Variants in LDLRAD3 observed in about 807,000 individuals in gnomAD.
LDLRAD3 encodes the protein low-density lipoprotein receptor class A domain-containing protein 3.
A neutral mutation model predicts 29.4 loss-of-function variants in LDLRAD3; 20 were observed. The ratio of observed to expected loss-of-function variants is 0.68; its 90% CI spans 0.48 to 0.99. The LOEUF (loss-of-function observed/expected upper bound fraction) is 0.99, where lower values mean the gene tolerates loss of function less well. Among genes scored for constraint, LDLRAD3 ranks in the 50% least tolerant of loss-of-function variants. The probability of loss-of-function intolerance (pLI) is 0.00; values close to 1 mark genes in which losing one functional copy is unlikely to be tolerated. For missense variants in LDLRAD3, 420 were observed against 454.3 expected (o/e 0.92, Z 0.69); for synonymous variants, 157 against 192.7 (o/e 0.81, Z 1.53).
rs144656464 is a variant in LDLRAD3, at chr11:36,103,164, T to C, written c.454+4703T>C. ...CTTCCCCCCAGGCCCCGGGCAGTCA[T>C]CATTCTACTTCTATCTTCATTAATT... On this transcript the variant is annotated intron_variant, in intron 4 of 5. Transcript: ENST00000315571. Among the ~76,000 whole-genome samples the C allele has an allele frequency of 9.2e-5, 14 of 151,822 alleles. No individual in the cohort carries two copies. The East Asian group carries it at 2.7e-3, about 29-fold the overall frequency.
At chr11:36,103,150 G>GC (rs1192717874) in intron 4 of LDLRAD3, among the ~76,000 whole-genome samples, 6 of 151,062 alleles carry the variant, frequency 4.0e-5, no homozygotes, top group African/African-American at 1.5e-4. Flanking sequence ...TTCCCCCCAG[G>GC]CCCCGGGCAG....
chr11:36,036,529 C>T (rs1459213579), intron 2 of LDLRAD3, among the ~76,000 whole-genome samples: 1 of 152,154 alleles, frequency 6.6e-6, no homozygotes, highest in Non-Finnish European at 1.5e-5. Context: ...CCATCCTTGC[C>T]TTCGCTTTAT....
chr11:35,956,165 A>G (rs944709557), intron 1 of LDLRAD3, among the ~76,000 whole-genome samples: 1 of 152,130 alleles, frequency 6.6e-6, no homozygotes, highest in Non-Finnish European at 1.5e-5. Context: ...TTTGTTATAT[A>G]TTATTAAGCT....
intron 4 of LDLRAD3, among the ~76,000 whole-genome samples, chr11:36,151,429 C>G (rs902465843): frequency 2.0e-5 from 3 of 152,154 alleles, no homozygotes; most frequent in African/African-American, 7.2e-5. Flanking sequence ...AATCTCAGCC[C>G]TAACAGTTGG....
At chr11:36,127,002 G>A (rs531963859) in intron 4 of LDLRAD3, among the ~76,000 whole-genome samples, 1 of 152,304 alleles carries the variant, frequency 6.6e-6, no homozygotes, top group East Asian at 1.9e-4. Flanking sequence ...CCTGGTGGTG[G>A]ATTGTAGAGA....
chr11:36,165,692 A>T (rs1854502864), intron 4 of LDLRAD3, among the ~76,000 whole-genome samples: 1 of 152,054 alleles, frequency 6.6e-6, no homozygotes. Flanking sequence ...TTGAAAAAGG[A>T]AATTATTTAT....
chr11:36,217,855 T>C (rs1459638044), intron 4 of LDLRAD3, among the ~76,000 whole-genome samples: 1 of 152,222 alleles, frequency 6.6e-6, no homozygotes, highest in Non-Finnish European at 1.5e-5. Context: ...TCTGTTTCTG[T>C]GTCATCTCCT....
intron 4 of LDLRAD3, among the ~76,000 whole-genome samples, chr11:36,162,536 T>C (rs1031821891): frequency 6.6e-6 from 1 of 152,224 alleles, no homozygotes; most frequent in African/African-American, 2.4e-5. Flanking sequence ...AGTGGTGCCC[T>C]GGGCTTTGAG....
At chr11:36,009,669 G>A (rs1461541483) in intron 1 of LDLRAD3, among the ~76,000 whole-genome samples, 1 of 152,132 alleles carries the variant, frequency 6.6e-6, no homozygotes, top group Non-Finnish European at 1.5e-5. Flanking sequence ...CATTCGTTCT[G>A]TTGCTGATTT....
intron 1 of LDLRAD3, among the ~76,000 whole-genome samples, chr11:36,011,681 G>A (rs1301773173): frequency 6.6e-6 from 1 of 152,164 alleles, no homozygotes; most frequent in Non-Finnish European, 1.5e-5. Context: ...ACATAGCAGA[G>A]GTCAGTTGGA....
At chr11:36,061,762 A>G (rs1433858232) in intron 2 of LDLRAD3, among the ~76,000 whole-genome samples, 1 of 152,132 alleles carries the variant, frequency 6.6e-6, no homozygotes, top group Admixed American at 6.5e-5. Flanking sequence ...TATCAGTAAG[A>G]CCCACAGAAA....
intron 3 of LDLRAD3, among the ~76,000 whole-genome samples, chr11:36,093,057 A>T (rs977762400): frequency 6.6e-6 from 1 of 152,208 alleles, no homozygotes; most frequent in African/African-American, 2.4e-5. Context: ...CTGAGCAACT[A>T]TGCCCCTGAG....
chr11:36,211,284 G>T (rs576343171), intron 4 of LDLRAD3, among the ~76,000 whole-genome samples: 7 of 152,298 alleles, frequency 4.6e-5, no homozygotes, highest in Admixed American at 4.6e-4. Context: ...CTAGAACACA[G>T]GATGCTAACA....
intron 2 of LDLRAD3, among the ~76,000 whole-genome samples, chr11:36,042,899 C>T (rs1590222577): frequency 1.3e-5 from 2 of 152,160 alleles, no homozygotes; most frequent in African/African-American, 4.8e-5. Flanking sequence ...AGACTCCTGG[C>T]CATCAGAACT....
chr11:36,057,226 T>C (rs905143755), intron 2 of LDLRAD3, among the ~76,000 whole-genome samples: 1 of 152,180 alleles, frequency 6.6e-6, no homozygotes, highest in African/African-American at 2.4e-5. Flanking sequence ...GTGGTTCCTG[T>C]GATCGTCAGG....
chr11:36,031,315 C>A (rs189180128), intron 1 of LDLRAD3, among the ~76,000 whole-genome samples: 9 of 152,270 alleles, frequency 5.9e-5, no homozygotes, highest in African/African-American at 2.2e-4. Flanking sequence ...TGCTGTCGGC[C>A]TGAAAAGATT....
chr11:36,032,724 C>G (rs1181110955), intron 1 of LDLRAD3, among the ~76,000 whole-genome samples: 29 of 152,058 alleles, frequency 1.9e-4, no homozygotes, highest in Admixed American at 1.9e-3. Flanking sequence ...CAAAATTGAT[C>G]CCTGTTGAAA....
At chr11:36,142,131 G>A (rs1405205948) in intron 4 of LDLRAD3, among the ~76,000 whole-genome samples, 1 of 152,116 alleles carries the variant, frequency 6.6e-6, no homozygotes, top group Non-Finnish European at 1.5e-5. Context: ...TGGGGTTTCC[G>A]GACAGATGGT....
chr11:36,022,273 G>C (rs1032515132), intron 1 of LDLRAD3, among the ~76,000 whole-genome samples: 3 of 152,090 alleles, frequency 2.0e-5, no homozygotes, highest in African/African-American at 7.2e-5. Context: ...GACGTGTTAT[G>C]TACCTACATT....
Sources: gnomAD v4.1 joint callset for allele counts (sites outside exome capture counted in the v4.1 genomes callset) on GRCh38, gnomAD v4.1.1 for gene constraint, MANE v1.5 for transcripts, NCBI Gene and HGNC (gene_info 2026-07-23, HGNC 2026-07-21) for gene names.